Variants in MYH9 observed in about 807,000 individuals in gnomAD.
The protein encoded by MYH9 is myosin heavy chain 9.
Under a neutral mutation model 241.9 loss-of-function variants are expected in MYH9, and 29 were observed. The observed-to-expected ratio is 0.12, with a 90% CI of 0.09 to 0.16. The LOEUF is 0.16. MYH9 is among the 10% of genes least tolerant of loss of function. MYH9 has a pLI of 1.00. For synonymous variants in MYH9, 1,047 were observed against 1,062.6 expected, an observed-to-expected ratio of 0.99 and a Z score of 0.29; for missense variants, 1,803 against 2,595.5, an observed-to-expected ratio of 0.69 and a Z score of 6.63.
intron 6 of MYH9, 57 bp downstream of exon 6, chr22:36,322,372 C>T: frequency 6.3e-7 from 1 of 1,584,202 alleles, no homozygotes; most frequent in Non-Finnish European, 8.7e-7. Flanking sequence ...CAGCATGAGC[C>T]AAAGCTCCGG....
intron 1 of MYH9, among the ~76,000 whole-genome samples, chr22:36,373,429 G>A (rs1444153291): frequency 6.6e-6 from 1 of 152,190 alleles, no homozygotes; most frequent in African/African-American, 2.4e-5. Flanking sequence ...CGGCGGAGGC[G>A]GGGTGAACAG....
rs202117532 is a variant in MYH9, at chr22:36,348,919, G to A, written c.318C>T (p.Tyr106=). ...AGCCACTTACGTAGATGAGCCCTGA[G>A]TAGTAACGCTCCTTGAGGTTGTGCA... ...SVLHNLKERY[Y]SGLIYTYSGL... The change falls in exon 2 of 41, where the codon TAC becomes TAT. Residue 106 remains tyrosine, a synonymous_variant. Transcript: ENST00000216181. 2.2e-5 allele frequency: 35 copies of A among 1,610,044 alleles called. No homozygotes were observed. In the Admixed American group the frequency reaches 5.5e-4, roughly 25 times the overall value.
chr22:36,305,937 G>C lies in MYH9; in HGVS notation c.2152C>G (p.Arg718Gly), dbSNP rs1184544985. The C allele has an allele frequency of 1.2e-6, 2 of 1,613,172 alleles. No homozygotes were observed. The highest frequency in any genetic ancestry group is 8.5e-7 in the Non-Finnish European group (1 of 1,179,972). Reference protein sequence around the residue: ...FPNRVVFQEFRQRYEILTPNS... With the variant: ...FPNRVVFQEFGQRYEILTPNS... ...CTCCGGGCCCTGGCTCACCTCTGCC[G>C]AAACTCCTGGAAGACCACCCTGTTG... The change falls in exon 17 of 41, where the codon CGG (arginine) becomes GGG (glycine). Residue 718 changes from arginine to glycine, a missense_variant. Transcript: ENST00000216181. This position sits in a 1 kb window ranked among gnomAD's most constrained non-coding sequence, Gnocchi z 4.7.
intron 14 of MYH9, among the ~76,000 whole-genome samples, chr22:36,310,751 C>T (rs202001154): frequency 7.1e-6 from 1 of 140,880 alleles, no homozygotes; most frequent in South Asian, 2.4e-4. Flanking sequence ...ATCGTGCAGG[C>T]CCCTTGGTGG....
chr22:36,289,449 C>A (rs191013169), intron 31 of MYH9, 152 bp from the exon 32 acceptor site: 128 of 679,284 alleles, frequency 1.9e-4, no homozygotes, highest in Non-Finnish European at 2.9e-4. Context: ...GTGCCCAGGA[C>A]AATACACACA....
rs749007954 is a variant in MYH9, at chr22:36,300,118, G to A, written c.2976+9C>T. 79 of 1,609,584 alleles carry A rather than the reference G, an allele frequency of 4.9e-5. No homozygotes were observed. Among genetic ancestry groups the A allele is most frequent in the Admixed American group, 2.8e-4 (17 of 60,004 alleles). ...TGGAGCAGCGGCAGGCGACAGCCAC[G>A]GGCCTCACCTTGGCCAGCTTGCAGT... On this transcript the variant is annotated intron_variant, in intron 23 of 40. Transcript: ENST00000216181. This position sits in a 1 kb window ranked among gnomAD's most constrained non-coding sequence, Gnocchi z 5.0.
At chr22:36,359,453 A>G (rs136206) in intron 1 of MYH9, among the ~76,000 whole-genome samples, 86,967 of 152,134 alleles carry the variant, frequency 0.57, 26,654 homozygotes, top group Non-Finnish European at 0.7. Flanking sequence ...ACACACGCGT[A>G]AGGGTTATAG....
At chr22:36,384,739 T>C (rs768826008) in intron 1 of MYH9, among the ~76,000 whole-genome samples, 5 of 148,928 alleles carry the variant, frequency 3.4e-5, no homozygotes, top group South Asian at 2.1e-4. Context: ...GATTCCCATA[T>C]TATACATAAG....
rs769560047 is a variant in MYH9, at chr22:36,285,826, A to G, written c.5150+39T>C. 6.2e-7 allele frequency: 1 copy of G among 1,613,416 alleles called. No homozygotes were observed. The highest frequency in any genetic ancestry group is 8.5e-7 in the Non-Finnish European group (1 of 1,179,916). On this transcript the variant is annotated intron_variant, in intron 36 of 40. Transcript: ENST00000216181. This position sits in a 1 kb window ranked among gnomAD's most constrained non-coding sequence, Gnocchi z 7.0. ...AGTGAGGGGCCTACCCTGGGGACACACCTGGTCCCCCCCAACTCTGCCCCC... is the reference window on the plus strand; with the variant it reads ...AGTGAGGGGCCTACCCTGGGGACACGCCTGGTCCCCCCCAACTCTGCCCCC...
chr22:36,286,404 C>T (rs904583194), intron 35 of MYH9, among the ~76,000 whole-genome samples: 11 of 152,234 alleles, frequency 7.2e-5, no homozygotes, highest in African/African-American at 9.6e-5. Flanking sequence ...GGCTCAGGTG[C>T]GACGGGCAGG....
In MYH9 at chr22:36,294,130, C is replaced by T. The variant is rs756528783; in HGVS notation, c.3799G>A (p.Val1267Met). The change falls in exon 28 of 41, where the codon GTG (valine) becomes ATG (methionine). Residue 1267 changes from valine (V) to methionine (M), a missense_variant. By Grantham distance (21) the Val-to-Met change is conservative. Coordinates refer to ENST00000216181, the MANE Select transcript of MYH9 (RefSeq NM_002473.6). ...LQVKFNEGER[V>M]RTELADKVTK... ...ACCTTGTCGGCCAGCTCTGTGCGCA[C>T]GCGCTCTCCCTCGTTGAACTTGACC... The T allele has an allele frequency of 1.5e-5, 24 of 1,611,436 alleles. No homozygotes were observed. The highest frequency in any genetic ancestry group is 1.3e-4 in the South Asian group (12 of 91,084).
chr22:36,290,356 A>G, intron 31 of MYH9, among the ~76,000 whole-genome samples: 1 of 151,600 alleles, frequency 6.6e-6, no homozygotes, highest in African/African-American at 2.4e-5. Context: ...AAAAAAAAAA[A>G]AACCCAAACT....
chr22:36,288,367 G>C lies in MYH9; in HGVS notation c.4817C>G (p.Ser1606Trp). The change falls in exon 34 of 41, where the codon TCG becomes TGG. Residue 1606 changes from serine (S) to tryptophan (W), a missense_variant. Around this residue, in one of 11 missense-constraint regions of MYH9, gnomAD observed 876 missense variants for 1,077.8 expected, o/e 0.81. Coordinates refer to ENST00000216181, the MANE Select transcript of MYH9 (RefSeq NM_002473.6). This position sits in a 1 kb window ranked among gnomAD's most constrained non-coding sequence, Gnocchi z 4.8. ...AELEDERKQR[S>W]MAVAARKKLE... ...CTTCTTCCGGGCGGCCACTGCCATC[G>C]AGCGCTGCTTCCTCTCGTCCTCCAG... 6.2e-7 allele frequency: 1 copy of C among 1,613,560 alleles called. No individual in the cohort carries two copies. The highest frequency in any genetic ancestry group is 8.5e-7 in the Non-Finnish European group (1 of 1,180,022).
chr22:36,302,704 G>A (rs765162679), intron 19 of MYH9, 28 bp from the exon 20 acceptor site: 19 of 1,594,208 alleles, frequency 1.2e-5, no homozygotes, highest in African/African-American at 8.0e-5. Flanking sequence ...TGGTCAGCGC[G>A]GAGCAGTGGA....
In MYH9 at chr22:36,330,856, C is replaced by T. The variant is rs2017410369; in HGVS notation, c.491-3368G>A. Among the ~76,000 whole-genome samples, 1 of 152,058 alleles carries T rather than the reference C, an allele frequency of 6.6e-6. No homozygotes were observed. The highest frequency in any genetic ancestry group is 1.5e-5 in the Non-Finnish European group (1 of 68,026). ...ACAAGCCTCTTCTGGGACACGAGCC[C>T]CCTGCCAGATGAAAGTCTAGCCGTG... On this transcript the variant is annotated intron_variant, in intron 3 of 40. Transcript: ENST00000216181. The surrounding 1 kb of genome is among the most constrained non-coding windows in gnomAD (Gnocchi z 4.5).
At position 36,293,891 on chromosome 22, in the gene MYH9, C is replaced by T. The variant is rs1364063214; in HGVS notation, c.3838-28G>A. 2 of 1,595,632 alleles carry T rather than the reference C, an allele frequency of 1.3e-6. No homozygotes were observed. The highest frequency in any genetic ancestry group is 1.1e-5 in the South Asian group (1 of 89,822). On this transcript the variant is annotated intron_variant, in intron 28 of 40. Transcript: ENST00000216181. The surrounding 1 kb of genome is among the most constrained non-coding windows in gnomAD (Gnocchi z 5.1). ...GCACCGGGCGGGGAGACACAAAGGA[C>T]CATGGACCCACCCCCACTGCTCCTG...
rs1397897535 is a variant in MYH9, at chr22:36,293,738, GGAACC to G, written c.3942+16_3942+20del. ...CCTTTCTGGAGGGGTCCACCTTCTG[GGAACC>G]TGGCGCCACCCCTACCTGAGTGTCC... On this transcript the variant is annotated intron_variant, in intron 29 of 40. Coordinates refer to ENST00000216181, the MANE Select transcript of MYH9 (RefSeq NM_002473.6). This position sits in a 1 kb window ranked among gnomAD's most constrained non-coding sequence, Gnocchi z 5.1. The G allele has an allele frequency of 6.2e-7, 1 of 1,608,992 alleles. No homozygotes were observed. The highest frequency in any genetic ancestry group is 1.3e-5 in the African/African-American group (1 of 74,960).
intron 20 of MYH9, chr22:36,302,208 G>A (rs2016889396): frequency 3.5e-6 from 1 of 287,258 alleles, no homozygotes; most frequent in Non-Finnish European, 6.8e-6. Context: ...AATTCTTTAG[G>A]CTTTTTGTGA....
chr22:36,387,160 G>A (rs2018366139), intron 1 of MYH9, among the ~76,000 whole-genome samples: 1 of 152,108 alleles, frequency 6.6e-6, no homozygotes, highest in African/African-American at 2.4e-5. Context: ...GGCAGCCGCC[G>A]CACCTCCCCC....
Sources: gnomAD v4.1 joint callset for allele counts (sites outside exome capture counted in the v4.1 genomes callset) on GRCh38, gnomAD v4.1.1 for gene constraint, gnomAD v4.1.1 regional missense constraint, Gnocchi (gnomAD v3.1) non-coding constraint, MANE v1.5 for transcripts, NCBI Gene and HGNC (gene_info 2026-07-23, HGNC 2026-07-21) for gene names.